IL1RAPL1: variants seen among roughly 807,000 people sequenced by gnomAD.
The protein encoded by IL1RAPL1 is interleukin-1 receptor accessory protein-like 1.
In IL1RAPL1, 3 loss-of-function variants were observed where a neutral mutation model predicts 48.4. That is an observed-to-expected ratio of 0.06 (90% CI 0.03 to 0.16). IL1RAPL1 has a LOEUF of 0.16. Ranked by LOEUF, IL1RAPL1 falls within the 10% of genes least tolerant of loss-of-function variation. The pLI is 1.00. For missense variants in IL1RAPL1, 349 were observed against 530.6 expected, an observed-to-expected ratio of 0.66 and a Z score of 3.36; for synonymous variants, 185 against 187.7, an observed-to-expected ratio of 0.99 and a Z score of 0.12.
intron 2 of IL1RAPL1, among the ~76,000 whole-genome samples, chrX:28,982,699 G>A (rs986180657): frequency 1.5e-4 from 17 of 111,856 alleles, no homozygotes; most frequent in African/African-American, 5.2e-4. Flanking sequence ...GGTAAGTGCC[G>A]AATCTGACCA....
chrX:29,504,939 T>C (rs900322225), intron 5 of IL1RAPL1, among the ~76,000 whole-genome samples: 3 of 111,908 alleles, frequency 2.7e-5, no homozygotes, highest in African/African-American at 9.7e-5. Context: ...TCCTTTATGG[T>C]TAAGTGATTT....
At chrX:29,075,473 G>A (rs750097993) in intron 2 of IL1RAPL1, among the ~76,000 whole-genome samples, 1 of 111,505 alleles carries the variant, frequency 9.0e-6, no homozygotes, top group Admixed American at 9.6e-5. Flanking sequence ...TCATTCTGAA[G>A]GACTACTTAA....
At chrX:29,221,978 C>G (rs1437830733) in intron 2 of IL1RAPL1, among the ~76,000 whole-genome samples, 2 of 94,823 alleles carry the variant, frequency 2.1e-5, no homozygotes, top group African/African-American at 7.8e-5. Context: ...CCATTGCACT[C>G]CAACCTGGGC....
At chrX:29,908,738 C>G (rs1007589096) in intron 6 of IL1RAPL1, among the ~76,000 whole-genome samples, 3 of 111,785 alleles carry the variant, frequency 2.7e-5, no homozygotes, top group Non-Finnish European at 5.6e-5. Context: ...CAATATATGT[C>G]TTAGATTTGA....
chrX:29,314,978 G>A lies in IL1RAPL1; in HGVS notation c.362+31761G>A, dbSNP rs186930749. On this transcript the variant is annotated intron_variant, in intron 3 of 10. Transcript: ENST00000378993. ...CTGGAGACTGTTTTGGTAAAAATAG[G>A]AATAACATGCCAAGGCAGCTCAGGG... is the stretch of plus-strand genomic sequence containing the variant. Among the ~76,000 whole-genome samples the A allele has an allele frequency of 1.8e-3, 198 of 111,791 alleles. 1 individual carries two copies. The highest frequency in any genetic ancestry group is 6.2e-3 in the African/African-American group (192 of 30,824).
intron 6 of IL1RAPL1, among the ~76,000 whole-genome samples, chrX:29,803,717 A>G (rs1255978163): frequency 9.3e-6 from 1 of 107,998 alleles, no homozygotes; most frequent in Non-Finnish European, 1.9e-5. Context: ...TATAACTTTT[A>G]AAAAGTCATA....
intron 3 of IL1RAPL1, among the ~76,000 whole-genome samples, chrX:29,339,046 A>G (rs1302791293): frequency 9.6e-6 from 1 of 103,786 alleles, no homozygotes; most frequent in African/African-American, 3.6e-5. Flanking sequence ...GAGAACTGTG[A>G]TCTGTTCTCC....
At chrX:29,065,424 G>A (rs1927433032) in intron 2 of IL1RAPL1, among the ~76,000 whole-genome samples, 1 of 111,768 alleles carries the variant, frequency 8.9e-6, no homozygotes, top group African/African-American at 3.3e-5. Context: ...CCTTGTAACT[G>A]ATAAATTGTT....
intron 3 of IL1RAPL1, among the ~76,000 whole-genome samples, chrX:29,364,665 T>G: frequency 9.1e-6 from 1 of 110,232 alleles, no homozygotes; most frequent in Non-Finnish European, 1.9e-5. Flanking sequence ...AACAAAACAG[T>G]GTAACAACTA....
chrX:29,422,372 C>A (rs1476066949), intron 5 of IL1RAPL1, among the ~76,000 whole-genome samples: 4 of 111,170 alleles, frequency 3.6e-5, no homozygotes, highest in African/African-American at 1.3e-4. Flanking sequence ...ACTGCTTTTT[C>A]AGTTCAGCAT....
At chrX:29,336,335 G>T (rs1304656474) in intron 3 of IL1RAPL1, among the ~76,000 whole-genome samples, 1 of 33,814 alleles carries the variant, frequency 3.0e-5, no homozygotes, top group Admixed American at 2.9e-4. Context: ...GTGTGTGTGT[G>T]TGTGTGTGTG....
chrX:29,056,384 A>G (rs1927214292), intron 2 of IL1RAPL1, among the ~76,000 whole-genome samples: 1 of 111,584 alleles, frequency 9.0e-6, no homozygotes, highest in South Asian at 3.7e-4. Flanking sequence ...GCATTGTCAT[A>G]TGCATTCTTC....
intron 1 of IL1RAPL1, among the ~76,000 whole-genome samples, chrX:28,716,954 G>T (rs111472391): frequency 0.011 from 1,215 of 111,837 alleles, 12 homozygotes; most frequent in African/African-American, 0.037. Flanking sequence ...AAACCACAAT[G>T]AGATACCATC....
intron 5 of IL1RAPL1, among the ~76,000 whole-genome samples, chrX:29,589,971 G>A (rs1046413522): frequency 2.7e-5 from 3 of 111,068 alleles, no homozygotes; most frequent in Admixed American, 9.6e-5. Flanking sequence ...TATGATTAAC[G>A]TATAGAAGCT....
chrX:28,728,661 A>G (rs1013424389), intron 1 of IL1RAPL1, among the ~76,000 whole-genome samples: 2 of 112,061 alleles, frequency 1.8e-5, no homozygotes, highest in Non-Finnish European at 3.8e-5. Flanking sequence ...TTGCAGAAAA[A>G]CATAAACACA....
At chrX:28,724,885 C>A (rs1318126896) in intron 1 of IL1RAPL1, among the ~76,000 whole-genome samples, 1 of 109,135 alleles carries the variant, frequency 9.2e-6, no homozygotes, top group East Asian at 2.9e-4. Context: ...ACAAAGCCTT[C>A]TAGCATATCT....
chrX:29,243,288 C>T (rs1931453313), intron 2 of IL1RAPL1, among the ~76,000 whole-genome samples: 1 of 112,249 alleles, frequency 8.9e-6, no homozygotes, highest in Non-Finnish European at 1.9e-5. Context: ...CAGCTGAAAC[C>T]CCTTGAAAAT....
At chrX:28,902,366 T>C (rs1402157990) in intron 2 of IL1RAPL1, among the ~76,000 whole-genome samples, 1 of 108,006 alleles carries the variant, frequency 9.3e-6, no homozygotes, top group Non-Finnish European at 1.9e-5. Context: ...TGACACTCTG[T>C]CTTCTTGCTG....
At chrX:28,923,669 TTTA>T (rs1167720447) in intron 2 of IL1RAPL1, among the ~76,000 whole-genome samples, 1 of 111,413 alleles carries the variant, frequency 9.0e-6, no homozygotes, top group Non-Finnish European at 1.9e-5. Context: ...TATAATACAA[TTTA>T]TTATTGAACC....
Sources: gnomAD v4.1 joint callset for allele counts (sites outside exome capture counted in the v4.1 genomes callset) on GRCh38, gnomAD v4.1.1 for gene constraint, MANE v1.5 for transcripts, NCBI Gene and HGNC (gene_info 2026-07-23, HGNC 2026-07-21) for gene names.